Variants in RNF13 observed in about 807,000 individuals in gnomAD.
RNF13 encodes the protein ring finger protein 13, also known as E3 ubiquitin-protein ligase RNF13.
In RNF13, 19 loss-of-function variants were observed where a neutral mutation model predicts 37.7. The observed-to-expected ratio is 0.50, with a 90% CI of 0.35 to 0.74. The LOEUF (loss-of-function observed/expected upper bound fraction) is 0.74. RNF13 is among the 30% of genes least tolerant of loss of function. RNF13 has a pLI of 0.01. For synonymous variants in RNF13, 144 were observed against 157.8 expected (o/e 0.91, Z 0.65); for missense variants, 375 against 453.0 (o/e 0.83, Z 1.56).
chr3:149,864,052 G>A (rs922150973), intron 3 of RNF13, among the ~76,000 whole-genome samples: 1 of 123,812 alleles, frequency 8.1e-6, no homozygotes, highest in Non-Finnish European at 1.6e-5. Context: ...GAATGATGAT[G>A]TGGTTGTAGT....
chr3:149,921,924 A>G (rs1718165002), intron 8 of RNF13, among the ~76,000 whole-genome samples: 1 of 152,116 alleles, frequency 6.6e-6, no homozygotes, highest in Non-Finnish European at 1.5e-5. Context: ...CAACAGTGTA[A>G]AAGTGTTCCT....
chr3:149,915,498 G>A (rs1717415039), intron 7 of RNF13, among the ~76,000 whole-genome samples: 1 of 152,070 alleles, frequency 6.6e-6, no homozygotes, highest in South Asian at 2.1e-4. Flanking sequence ...CCACTTCTGG[G>A]TATATACCAA....
At chr3:149,899,007 C>T (rs1040875180) in intron 5 of RNF13, among the ~76,000 whole-genome samples, 3 of 152,106 alleles carry the variant, frequency 2.0e-5, no homozygotes, top group African/African-American at 7.2e-5. Context: ...ATAAAGCATG[C>T]TTGGTGTTTC....
chr3:149,955,322 C>A (rs890017918), intron 8 of RNF13, among the ~76,000 whole-genome samples: 7 of 151,596 alleles, frequency 4.6e-5, no homozygotes, highest in Admixed American at 1.3e-4. Flanking sequence ...TTAAAGACTT[C>A]TTTTTTTATA....
At chr3:149,865,329 G>GAT (rs3028509) in intron 3 of RNF13, among the ~76,000 whole-genome samples, 15,265 of 139,004 alleles carry the variant, frequency 0.11, 1,052 homozygotes, top group African/African-American at 0.19. Flanking sequence ...ATGTTTTGGT[G>GAT]ATATATATAT....
chr3:149,939,873 C>G (rs964444932), intron 8 of RNF13: 3 of 433,902 alleles, frequency 6.9e-6, no homozygotes, highest in Non-Finnish European at 8.7e-6. Flanking sequence ...AACAGCCGCG[C>G]AGGATGGAAT....
At chr3:149,928,438 A>G (rs935093169) in intron 8 of RNF13, among the ~76,000 whole-genome samples, 1 of 152,116 alleles carries the variant, frequency 6.6e-6, no homozygotes, top group Admixed American at 6.5e-5. Context: ...CTGTTTTCTC[A>G]TTGAATATCT....
At chr3:149,879,412 G>C (rs1020478783) in intron 4 of RNF13, among the ~76,000 whole-genome samples, 1 of 151,080 alleles carries the variant, frequency 6.6e-6, no homozygotes, top group African/African-American at 2.4e-5. Flanking sequence ...GGGCTCAGGC[G>C]ATCCTTCCAC....
chr3:149,924,625 C>G (rs147688877), intron 8 of RNF13, among the ~76,000 whole-genome samples: 33 of 152,240 alleles, frequency 2.2e-4, no homozygotes, highest in African/African-American at 7.9e-4. Context: ...CCACTAGAGA[C>G]TATTGATGAT....
intron 1 of RNF13, among the ~76,000 whole-genome samples, chr3:149,839,362 C>T (rs1721942998): frequency 1.1e-5 from 1 of 91,578 alleles, no homozygotes; most frequent in East Asian, 2.9e-4. Context: ...GCAGTACCCA[C>T]TCCACTGGTA....
intron 2 of RNF13, among the ~76,000 whole-genome samples, chr3:149,846,568 A>G (rs1722659772): frequency 6.6e-6 from 1 of 152,184 alleles, no homozygotes. Flanking sequence ...GGCCTCCCAA[A>G]GTGTTGGGAT....
At chr3:149,901,764 T>A (rs1278146921) in intron 5 of RNF13, among the ~76,000 whole-genome samples, 2 of 152,204 alleles carry the variant, frequency 1.3e-5, no homozygotes, top group African/African-American at 4.8e-5. Context: ...CTTTCTTCTC[T>A]AATAAGTTAT....
chr3:149,931,721 C>G (rs1161189000), intron 8 of RNF13, among the ~76,000 whole-genome samples: 2 of 152,174 alleles, frequency 1.3e-5, no homozygotes, highest in African/African-American at 4.8e-5. Flanking sequence ...AGCTTCTCAT[C>G]TAGCTATTTG....
chr3:149,913,906 T>A (rs1357042566), intron 7 of RNF13, among the ~76,000 whole-genome samples: 1 of 152,182 alleles, frequency 6.6e-6, no homozygotes, highest in African/African-American at 2.4e-5. Context: ...ACTCTTTTCT[T>A]TCTTTAGAAG....
chr3:149,833,897 C>G (rs887269607), intron 1 of RNF13, among the ~76,000 whole-genome samples: 19 of 152,256 alleles, frequency 1.2e-4, no homozygotes, highest in African/African-American at 4.6e-4. Flanking sequence ...TCTGATAGAA[C>G]TATTAATAAT....
chr3:149,960,957 G>T lies in RNF13; in HGVS notation c.999G>T (p.Gln333His). The stretch of plus-strand genomic sequence containing the variant: ...CTTTATCGGAATCCCGCTCACATCA[G>T]AACATGACAGAATCTTCAGACTATG... ...FGALSESRSHQNMTESSDYEE... is the reference protein window; with the variant it reads ...FGALSESRSHHNMTESSDYEE... The change falls in exon 10 of 10, where the codon CAG becomes CAT. Residue 333 changes from glutamine to histidine, a missense_variant. By Grantham distance (24) the Gln-to-His change is conservative (BLOSUM62 0). Coordinates refer to ENST00000392894, the MANE Select transcript of RNF13 (RefSeq NM_183381.3). 1 of 1,614,176 alleles carries T rather than the reference G, an allele frequency of 6.2e-7. No individual in the cohort carries two copies. Among genetic ancestry groups the T allele is most frequent in the Non-Finnish European group, 8.5e-7 (1 of 1,180,022 alleles).
At chr3:149,916,172 C>T (rs1302673239) in intron 7 of RNF13, among the ~76,000 whole-genome samples, 1 of 151,562 alleles carries the variant, frequency 6.6e-6, no homozygotes, top group Non-Finnish European at 1.5e-5. Flanking sequence ...GTCTAGTGAC[C>T]TTCTCATAGT....
Position 149,914,770 on chromosome 3 carries a change from T to C in RNF13, c.606+2687T>C, listed in dbSNP as rs374736839. 1.5e-3 allele frequency among the ~76,000 whole-genome samples: 231 copies of C among 152,120 alleles called. 1 individual carries two copies. The highest frequency in any genetic ancestry group is 5.2e-3 in the African/African-American group (217 of 41,504). On this transcript the variant is annotated intron_variant, in intron 7 of 9. Coordinates refer to ENST00000392894, the MANE Select transcript of RNF13 (RefSeq NM_183381.3). ...CTGGCCAACATGGTGAAACCGCGTC[T>C]CTACTAAAAATACAAAATTTAGCTG...
At chr3:149,941,356 TTCTGC>T (rs1176342181) in intron 8 of RNF13, among the ~76,000 whole-genome samples, 4 of 152,142 alleles carry the variant, frequency 2.6e-5, no homozygotes, top group African/African-American at 9.7e-5. Flanking sequence ...TCAACTTACA[TTCTGC>T]TCTTTTGTTA....
Sources: allele counts gnomAD v4.1 joint callset (sites outside exome capture counted in the v4.1 genomes callset), GRCh38; gene constraint gnomAD v4.1.1; transcripts MANE v1.5; gene names NCBI Gene and HGNC (gene_info 2026-07-23, HGNC 2026-07-21).